The following SHISA6 variants were observed in gnomAD, a reference collection of about 807,000 sequenced individuals.
The protein encoded by SHISA6 is shisa family member 6.
A neutral mutation model predicts 47.9 loss-of-function variants in SHISA6; 22 were observed. The observed-to-expected ratio is 0.46, with a 90% CI of 0.33 to 0.66. The LOEUF (loss-of-function observed/expected upper bound fraction) is 0.66. Among genes scored for constraint, SHISA6 ranks in the 30% least tolerant of loss-of-function variants. The pLI is 0.02. For missense variants in SHISA6, 680 were observed against 764.6 expected (o/e 0.89, Z 1.30); for synonymous variants, 388 against 337.8 (o/e 1.15, Z -1.63).
In SHISA6 at chr17:11,521,170, T is replaced by G. The variant is rs372131493; in HGVS notation, c.896-30726T>G. Among the ~76,000 whole-genome samples the G allele has an allele frequency of 2.5e-3, 374 of 152,360 alleles. 1 individual carries two copies. Among genetic ancestry groups the G allele is most frequent in the African/African-American group, 8.6e-3 (357 of 41,592 alleles). On this transcript the variant is annotated intron_variant, in intron 3 of 5. Coordinates refer to ENST00000441885, the MANE Select transcript of SHISA6 (RefSeq NM_207386.4). Reference sequence around the variant, plus strand: ...CTCATTTTTATTTGCTAACAAAAATTTCTTTATTAAGATAACTGATCTTAA... The same window carrying G: ...CTCATTTTTATTTGCTAACAAAAATGTCTTTATTAAGATAACTGATCTTAA...
chr17:11,428,779 C>CT (rs34920362), intron 3 of SHISA6, among the ~76,000 whole-genome samples: 5,717 of 95,972 alleles, frequency 0.06, 363 homozygotes, highest in African/African-American at 0.15. Context: ...GATCCACTTT[C>CT]TTTTTTTTTT....
At chr17:11,470,044 G>T (rs558203176) in intron 3 of SHISA6, among the ~76,000 whole-genome samples, 1 of 152,304 alleles carries the variant, frequency 6.6e-6, no homozygotes, top group East Asian at 1.9e-4. Context: ...GAAAGGCCAT[G>T]TGAGGACACC....
chr17:11,423,675 C>T (rs921932677), intron 3 of SHISA6, among the ~76,000 whole-genome samples: 14 of 152,078 alleles, frequency 9.2e-5, no homozygotes, highest in African/African-American at 3.4e-4. Context: ...CACAAAAGAT[C>T]AGTTCACCAT....
intron 3 of SHISA6, among the ~76,000 whole-genome samples, chr17:11,425,423 A>G (rs1914583782): frequency 6.6e-6 from 1 of 152,036 alleles, no homozygotes; most frequent in African/African-American, 2.4e-5. Context: ...TCCTCATCTT[A>G]TAGTTAATAG....
rs529841295 is a variant in SHISA6, at chr17:11,405,055, G to A, written c.895+25546G>A. Among the ~76,000 whole-genome samples the A allele has an allele frequency of 1.7e-3, 252 of 152,124 alleles. 1 individual carries two copies. Among genetic ancestry groups the A allele is most frequent in the Non-Finnish European group, 4.4e-4 (30 of 68,018 alleles). On this transcript the variant is annotated intron_variant, in intron 3 of 5. Transcript: ENST00000441885. ...AGCGAGACAGTAGTTTCTGACCCCA[G>A]TTGCAAATCTGACTCAGCAAAACTT...
intron 2 of SHISA6, among the ~76,000 whole-genome samples, chr17:11,316,929 G>A (rs1252401722): frequency 1.3e-5 from 2 of 152,064 alleles, no homozygotes; most frequent in African/African-American, 4.8e-5. Flanking sequence ...GAGTTTTTAT[G>A]TTTACATTAG....
intron 2 of SHISA6, among the ~76,000 whole-genome samples, chr17:11,275,513 A>G (rs879607090): frequency 6.6e-6 from 1 of 152,230 alleles, no homozygotes; most frequent in Middle Eastern, 3.2e-3. Flanking sequence ...CAAAGTCCCT[A>G]GTCTCATGGT....
intron 3 of SHISA6, among the ~76,000 whole-genome samples, chr17:11,411,171 T>C (rs554991423): frequency 6.6e-6 from 1 of 152,128 alleles, no homozygotes; most frequent in South Asian, 2.1e-4. Flanking sequence ...GGTTTCACCC[T>C]GTTAGCCCGG....
At chr17:11,351,082 G>A (rs1257445354) in intron 2 of SHISA6, among the ~76,000 whole-genome samples, 1 of 152,100 alleles carries the variant, frequency 6.6e-6, no homozygotes, top group Non-Finnish European at 1.5e-5. Flanking sequence ...ATAAGTGGGA[G>A]TTGAACAATG....
At chr17:11,269,890 C>T (rs1908575514) in intron 2 of SHISA6, among the ~76,000 whole-genome samples, 1 of 152,198 alleles carries the variant, frequency 6.6e-6, no homozygotes, top group Admixed American at 6.5e-5. Context: ...TTTAAGTCTT[C>T]ACTCTCCAAT....
intron 2 of SHISA6, among the ~76,000 whole-genome samples, chr17:11,326,328 A>G (rs1176793562): frequency 6.6e-6 from 1 of 151,424 alleles, no homozygotes. Flanking sequence ...AAGGTAGTGG[A>G]GGTCAGCTGC....
intron 5 of SHISA6, among the ~76,000 whole-genome samples, chr17:11,556,359 C>T (rs1387935260): frequency 6.6e-6 from 1 of 152,192 alleles, no homozygotes; most frequent in African/African-American, 2.4e-5. Flanking sequence ...TCCTTCACCT[C>T]CCATGCATAC....
chr17:11,396,870 GC>G (rs1163143214), intron 3 of SHISA6, among the ~76,000 whole-genome samples: 2 of 152,088 alleles, frequency 1.3e-5, no homozygotes, highest in Non-Finnish European at 2.9e-5. Flanking sequence ...TAACAAACCT[GC>G]ACGTTCTGCA....
intron 2 of SHISA6, among the ~76,000 whole-genome samples, chr17:11,331,377 G>A (rs1324219107): frequency 6.6e-6 from 1 of 152,072 alleles, no homozygotes; most frequent in Non-Finnish European, 1.5e-5. Flanking sequence ...AGTTCTCACA[G>A]GTAAATTTCA....
chr17:11,418,507 C>T (rs1307834831), intron 3 of SHISA6, among the ~76,000 whole-genome samples: 2 of 152,096 alleles, frequency 1.3e-5, no homozygotes, highest in Non-Finnish European at 2.9e-5. Flanking sequence ...CACTTAATGG[C>T]GATGAGATGC....
intron 1 of SHISA6, among the ~76,000 whole-genome samples, chr17:11,261,989 G>A (rs1425794000): frequency 1.3e-5 from 2 of 152,164 alleles, no homozygotes; most frequent in African/African-American, 4.8e-5. Context: ...GGTATTATGT[G>A]GCTTTTTGGT....
At chr17:11,536,357 A>G (rs2071788400) in intron 3 of SHISA6, among the ~76,000 whole-genome samples, 1 of 152,176 alleles carries the variant, frequency 6.6e-6, no homozygotes, top group Non-Finnish European at 1.5e-5. Context: ...GCATAGCATT[A>G]CTGGGTAGAT....
intron 3 of SHISA6, among the ~76,000 whole-genome samples, chr17:11,546,879 C>T (rs552309579): frequency 6.6e-6 from 1 of 152,030 alleles, no homozygotes; most frequent in African/African-American, 2.4e-5. Context: ...CAAGATTGCG[C>T]CACGGCGCCA....
chr17:11,555,977 A>T (rs562327658), intron 5 of SHISA6, 85 bp downstream of exon 5: 1 of 1,378,212 alleles, frequency 7.3e-7, no homozygotes, highest in East Asian at 2.7e-5. Flanking sequence ...TCCATACCCC[A>T]TAGGACAGCT....
Sources: allele counts gnomAD v4.1 joint callset (sites outside exome capture counted in the v4.1 genomes callset), GRCh38; gene constraint gnomAD v4.1.1; transcripts MANE v1.5; gene names NCBI Gene and HGNC (gene_info 2026-07-23, HGNC 2026-07-21).